Variants in SERPING1 observed in about 807,000 individuals in gnomAD.
SERPING1 encodes serpin family G member 1.
A neutral mutation model predicts 34.1 loss-of-function variants in SERPING1; 5 were observed. That is an observed-to-expected ratio of 0.15 (90% CI 0.08 to 0.31). The LOEUF (loss-of-function observed/expected upper bound fraction) is 0.31, where lower values mean the gene tolerates loss of function less well. SERPING1 is among the 10% of genes least tolerant of loss of function. The pLI, the probability that SERPING1 is intolerant of heterozygous loss-of-function variation, is 1.00. For synonymous variants in SERPING1, 225 were observed against 242.4 expected, an observed-to-expected ratio of 0.93 and a Z score of 0.67; for missense variants, 505 against 609.5, an observed-to-expected ratio of 0.83 and a Z score of 1.81.
intron 4 of SERPING1, among the ~76,000 whole-genome samples, chr11:57,603,742 G>A (rs1178152205): frequency 6.0e-5 from 9 of 150,282 alleles, no homozygotes; most frequent in Non-Finnish European, 1.2e-4. Context: ...GGGAGGCTGA[G>A]GCAGGAGAAT....
rs1254147881 is a variant in SERPING1, at chr11:57,614,538, A to G, written c.1460A>G (p.Lys487Arg). 1.2e-6 allele frequency: 2 copies of G among 1,613,924 alleles called. No homozygotes were observed. Among genetic ancestry groups the G allele is most frequent in the Admixed American group, 1.7e-5 (1 of 59,982 alleles). The change falls in exon 8 of 8, where the codon AAG (lysine) becomes AGG (arginine). Residue 487 changes from lysine (K) to arginine (R), a missense_variant. Lys to Arg is a conservative substitution (Grantham distance 26). Coordinates refer to ENST00000278407, the MANE Select transcript of SERPING1 (RefSeq NM_000062.3). ...FLFVLWDQQH[K>R]FPVFMGRVYD... ...TTCGTGCTCTGGGACCAGCAGCACA[A>G]GTTCCCTGTCTTCATGGGGCGAGTA... is the stretch of plus-strand genomic sequence containing the variant.
At chr11:57,613,998 A>G (rs1309523339) in intron 7 of SERPING1, among the ~76,000 whole-genome samples, 1 of 152,100 alleles carries the variant, frequency 6.6e-6, no homozygotes, top group Non-Finnish European at 1.5e-5. Flanking sequence ...GGCATTGCAT[A>G]TAACCTCATT....
chr11:57,614,046 T>C lies in SERPING1; in HGVS notation c.1250-282T>C, dbSNP rs1557522. On this transcript the variant is annotated intron_variant, in intron 7 of 7. Coordinates refer to ENST00000278407, the MANE Select transcript of SERPING1 (RefSeq NM_000062.3). ...ACCTATCTCTGATCTATTACCTCACTTCCAAGGTCCTGGGAGATAAGGAGG... is the reference window on the plus strand; with the variant it reads ...ACCTATCTCTGATCTATTACCTCACCTCCAAGGTCCTGGGAGATAAGGAGG... 0.31 allele frequency among the ~76,000 whole-genome samples: 47,413 copies of C among 152,006 alleles called. 8,404 individuals carry two copies. The highest frequency in any genetic ancestry group is 0.41 in the Non-Finnish European group (28,066 of 67,934).
At chr11:57,601,078 A>G (rs1294646419) in intron 3 of SERPING1, among the ~76,000 whole-genome samples, 3 of 151,972 alleles carry the variant, frequency 2.0e-5, no homozygotes, top group Non-Finnish European at 4.4e-5. Flanking sequence ...TAAAATAGTG[A>G]TGATGCTATC....
intron 2 of SERPING1, among the ~76,000 whole-genome samples, chr11:57,598,528 C>T (rs1432664976): frequency 6.6e-6 from 1 of 152,102 alleles, no homozygotes; most frequent in Non-Finnish European, 1.5e-5. Context: ...CTAATCTTGG[C>T]GGGCCATGTA....
At chr11:57,601,938 G>C in intron 3 of SERPING1, 97 bp from the exon 4 acceptor site, 1 of 1,327,640 alleles carries the variant, frequency 7.5e-7, no homozygotes. Context: ...CCAAAGCAGG[G>C]AATACCCTCC....
rs1263454796 is a variant in SERPING1, at chr11:57,598,398, A to G, written c.51+77A>G. ...TGGTGCGGGGTGCGGGCGGTGGCTG[A>G]GGATTAACCCTTCAGGCTCCGGGGA... is the stretch of plus-strand genomic sequence containing the variant. On this transcript the variant is annotated intron_variant, in intron 2 of 7. Transcript: ENST00000278407. 15 of 1,414,680 alleles carry G rather than the reference A, an allele frequency of 1.1e-5. No homozygotes were observed. The East Asian group carries it at 3.5e-4, about 33-fold the overall frequency. The allele number at this position is 1,414,680 out of a possible 1,614,324, so 87.6% of individuals were successfully genotyped here. A position where few individuals can be genotyped will look rare whatever the true frequency, so the allele number is the denominator to read the frequency against.
Position 57,606,208 on chromosome 11 carries a change from T to C in SERPING1, c.884T>C (p.Leu295Pro). ...TRLVLLNAIYLSAKWKTTFDP... is the reference protein window; with the variant it reads ...TRLVLLNAIYPSAKWKTTFDP... ...CTTGTCCTCCTCAATGCTATCTACC[T>C]GAGTGGTAAGGGTGCCCTTAGCCAG... The change falls in exon 5 of 8, where the codon CTG becomes CCG. Residue 295 changes from leucine (L) to proline (P), a missense_variant. Transcript: ENST00000278407. The C allele has an allele frequency of 6.2e-7, 1 of 1,614,192 alleles. No homozygotes were observed.
intron 6 of SERPING1, among the ~76,000 whole-genome samples, chr11:57,607,882 A>T (rs1945428821): frequency 1.3e-5 from 2 of 151,960 alleles, no homozygotes; most frequent in Admixed American, 1.3e-4. Context: ...CTGGTCTCGA[A>T]CTCCTGACCT....
chr11:57,600,909 C>T (rs1404870711), intron 3 of SERPING1, among the ~76,000 whole-genome samples: 1 of 151,024 alleles, frequency 6.6e-6, no homozygotes, highest in Non-Finnish European at 1.5e-5. Context: ...CGAGACCGCA[C>T]CATTGCACTA....
intron 7 of SERPING1, among the ~76,000 whole-genome samples, chr11:57,612,562 C>A (rs915894853): frequency 6.6e-6 from 1 of 151,304 alleles, no homozygotes; most frequent in Non-Finnish European, 1.5e-5. Context: ...TACAGGTGCC[C>A]GCCACCACGC....
Position 57,599,961 on chromosome 11 carries a change from T to C in SERPING1, c.134T>C (p.Val45Ala), listed in dbSNP as rs1945328472. The C allele has an allele frequency of 6.2e-7, 1 of 1,614,098 alleles. No homozygotes were observed. ...TTGCAAGACAGAGGCGAAGGGAAGG[T>C]CGCAACAACAGTTATCTCCAAGATG... ...ESLQDRGEGK[V>A]ATTVISKMLF... The change falls in exon 3 of 8, where the codon GTC becomes GCC. Residue 45 changes from valine (V) to alanine (A), a missense_variant. Transcript: ENST00000278407.
intron 4 of SERPING1, among the ~76,000 whole-genome samples, chr11:57,604,355 A>G (rs532313119): frequency 8.8e-4 from 134 of 152,236 alleles, no homozygotes; most frequent in African/African-American, 3.0e-3. Context: ...CTAATAATAA[A>G]CTTACAAAAC....
In SERPING1 at chr11:57,600,194, T is replaced by C. The variant is rs1203289893; in HGVS notation, c.367T>C (p.Cys123Arg). 6 of 1,612,228 alleles carry C rather than the reference T, an allele frequency of 3.7e-6. No homozygotes were observed. Among genetic ancestry groups the C allele is most frequent in the Non-Finnish European group, 5.1e-6 (6 of 1,179,380 alleles). Residue 123 changes from cysteine to arginine, a missense_variant, in exon 3 of 8, where the codon TGC becomes CGC. Transcript: ENST00000278407. The stretch of plus-strand genomic sequence containing the variant: ...TACCCAGCCCACTACTGGGTCCTTC[T>C]GCCCAGGACCTGTTACTCTCTGCTC... Reference protein sequence around the residue: ...SPTQPTTGSFCPGPVTLCSDL... With the variant: ...SPTQPTTGSFRPGPVTLCSDL...
At chr11:57,599,832 G>A (rs1945326670) in intron 2 of SERPING1, 47 bp from the exon 3 acceptor site, 1 of 1,613,884 alleles carries the variant, frequency 6.2e-7, no homozygotes. Context: ...TTAGAGGACT[G>A]TGCCTCGTAG....
chr11:57,600,509 G>A, intron 3 of SERPING1, 132 bp downstream of exon 3: 1 of 906,460 alleles, frequency 1.1e-6, no homozygotes, highest in Non-Finnish European at 1.8e-6. Context: ...TGGGGGTGGG[G>A]TAGAGGGATG....
intron 6 of SERPING1, 51 bp downstream of exon 6, chr11:57,606,598 G>T (rs1414907641): frequency 6.2e-7 from 1 of 1,604,814 alleles, no homozygotes; most frequent in South Asian, 1.1e-5. Flanking sequence ...TGAGTCTCCT[G>T]ACTTTTTTTC....
chr11:57,608,988 G>A (rs368512436), intron 6 of SERPING1, among the ~76,000 whole-genome samples: 85 of 152,016 alleles, frequency 5.6e-4, no homozygotes, highest in African/African-American at 2.0e-3. Context: ...ATTAAGAGTA[G>A]GGTGATTTGG....
intron 4 of SERPING1, among the ~76,000 whole-genome samples, chr11:57,603,838 C>CAA (rs1259067706): frequency 8.9e-5 from 6 of 67,150 alleles, no homozygotes; most frequent in Non-Finnish European, 1.2e-4. Context: ...GACACCATCT[C>CAA]AAAAAAAAAA....
Sources: allele counts gnomAD v4.1 joint callset (sites outside exome capture counted in the v4.1 genomes callset), GRCh38; gene constraint gnomAD v4.1.1; transcripts MANE v1.5; gene names NCBI Gene and HGNC (gene_info 2026-07-23, HGNC 2026-07-21).